The following LAMA5 variants were observed in gnomAD, a reference collection of about 807,000 sequenced individuals.
The protein encoded by LAMA5 is laminin subunit alpha 5, also known as laminin subunit alpha-5.
A neutral mutation model predicts 433.4 loss-of-function variants in LAMA5; 260 were observed. The observed-to-expected ratio is 0.60, with a 90% CI of 0.54 to 0.66. The LOEUF (loss-of-function observed/expected upper bound fraction) is 0.66. Ranked by LOEUF, LAMA5 falls within the 30% of genes least tolerant of loss-of-function variation. LAMA5 has a pLI of 0.00. For missense variants in LAMA5, 5,378 were observed against 5,258.5 expected (o/e 1.02, Z -0.70); for synonymous variants, 2,620 against 2,226.6 (o/e 1.18, Z -4.97).
In LAMA5 at chr20:62,310,238, G is replaced by C. The variant is rs779354485; in HGVS notation, c.10674C>G (p.Ile3558Met). The C allele has an allele frequency of 1.1e-5, 17 of 1,612,544 alleles. No individual in the cohort carries two copies. The highest frequency in any genetic ancestry group is 1.4e-5 in the Non-Finnish European group (16 of 1,179,920). Residue 3558 changes from isoleucine to methionine, a missense_variant, in exon 77 of 80, where the codon ATC (isoleucine) becomes ATG (methionine). Coordinates refer to ENST00000252999, the MANE Select transcript of LAMA5 (RefSeq NM_005560.6). ...EVRPLAVTGL[I>M]FHLGQARTPP... is the part of the protein sequence containing the mutation. ...GCGTCCGGGCCTGGCCCAAGTGGAAGATCAGTCCGGTGACTGCCAGGGGCC... is the reference window on the plus strand; with the variant it reads ...GCGTCCGGGCCTGGCCCAAGTGGAACATCAGTCCGGTGACTGCCAGGGGCC...
chr20:62,326,994 T>C (rs970849324), intron 38 of LAMA5, 28 bp from the exon 39 acceptor site: 1 of 1,517,276 alleles, frequency 6.6e-7, no homozygotes, highest in Non-Finnish European at 9.1e-7. Context: ...AGAGGTGACC[T>C]GGCCAGACTC....
Position 62,324,528 on chromosome 20 carries a change from G to C in LAMA5, c.5556C>G (p.Asp1852Glu), listed in dbSNP as rs150245673. Residue 1852 changes from aspartate (D) to glutamate (E), a missense_variant, in exon 42 of 80, where the codon GAC becomes GAG. Transcript: ENST00000252999. The surrounding 1 kb of genome is among the most constrained non-coding windows in gnomAD (Gnocchi z 4.4). Reference sequence around the variant, plus strand: ...ATCGGCCCAGGAAGAGACCTTTGACGTCCCGATAGAAGCCGGGGGCACATT... The same window carrying C: ...ATCGGCCCAGGAAGAGACCTTTGACCTCCCGATAGAAGCCGGGGGCACATT... The part of the protein sequence containing the change: ...CQECAPGFYR[D>E]VKGLFLGRCV... 4 of 1,612,134 alleles carry C rather than the reference G, an allele frequency of 2.5e-6. No homozygotes were observed. Among genetic ancestry groups the C allele is most frequent in the Non-Finnish European group, 2.5e-6 (3 of 1,179,652 alleles).
At chr20:62,311,848 A>G in intron 70 of LAMA5, 64 bp from the exon 71 acceptor site, 1 of 868,636 alleles carries the variant, frequency 1.2e-6, no homozygotes, top group Non-Finnish European at 1.7e-6. Flanking sequence ...CTCAGAGGAG[A>G]CAGAGGTCCA....
At position 62,324,278 on chromosome 20, in the gene LAMA5, C is replaced by A. The variant is rs1249263043; in HGVS notation, c.5644-74G>T. On this transcript the variant is annotated intron_variant, in intron 42 of 79. Coordinates refer to ENST00000252999, the MANE Select transcript of LAMA5 (RefSeq NM_005560.6). The surrounding 1 kb of genome is among the most constrained non-coding windows in gnomAD (Gnocchi z 4.4). Reference sequence around the variant, plus strand: ...TGCCGAGTCTGTGCAGCTCCCACCACCCCTGCCTCAGACTCTGTGCCCAAG... The same window carrying A: ...TGCCGAGTCTGTGCAGCTCCCACCAACCCTGCCTCAGACTCTGTGCCCAAG... The A allele has an allele frequency of 6.5e-7, 1 of 1,545,674 alleles. No individual in the cohort carries two copies. The highest frequency in any genetic ancestry group is 2.0e-5 in the Admixed American group (1 of 49,620).
intron 58 of LAMA5, among the ~76,000 whole-genome samples, chr20:62,315,471 GC>G (rs1986839847): frequency 1.3e-5 from 2 of 151,898 alleles, no homozygotes; most frequent in African/African-American, 4.8e-5. Flanking sequence ...CCACCACCTG[GC>G]CCCCACCATC....
chr20:62,343,337 T>C (rs965058161), intron 11 of LAMA5, among the ~76,000 whole-genome samples: 1 of 152,058 alleles, frequency 6.6e-6, no homozygotes, highest in African/African-American at 2.4e-5. Context: ...GGGAGGAGCA[T>C]CTACATCCGA....
intron 6 of LAMA5, among the ~76,000 whole-genome samples, chr20:62,347,879 G>T (rs1983623715): frequency 6.6e-6 from 1 of 152,210 alleles, no homozygotes; most frequent in Non-Finnish European, 1.5e-5. Context: ...CCACCTCACA[G>T]GGCCTCGGGA....
rs1349438178 is a variant in LAMA5, at chr20:62,312,947, C to T, written c.9019G>A (p.Gly3007Ser). 1.3e-6 allele frequency: 2 copies of T among 1,581,466 alleles called. No homozygotes were observed. The highest frequency in any genetic ancestry group is 2.2e-5 in the East Asian group (1 of 44,528). ...TGCAGTGGGACGGCCTTTTTCAGGC[C>T]AGCCCCAAAGTCATACAACAGCACG... Reference protein sequence around the residue: ...SLVLLYDFGAGLKKAVPLQPP... With the variant: ...SLVLLYDFGASLKKAVPLQPP... The change falls in exon 66 of 80, where the codon GGC (glycine) becomes AGC (serine). Residue 3007 changes from glycine to serine, a missense_variant. Transcript: ENST00000252999.
At chr20:62,364,972 C>CGGCCGGCAAGGACTTCT (rs1986560217) in intron 1 of LAMA5, among the ~76,000 whole-genome samples, 1 of 152,272 alleles carries the variant, frequency 6.6e-6, no homozygotes, top group Non-Finnish European at 1.5e-5. Context: ...CACTCCAGAC[C>CGGCCGGCAAGGACTTCT]GGCCGGCAAG....
chr20:62,354,529 C>G (rs1951774657), intron 2 of LAMA5, among the ~76,000 whole-genome samples: 1 of 152,084 alleles, frequency 6.6e-6, no homozygotes. Flanking sequence ...GTGGGGGTGG[C>G]TCCTCCATGG....
intron 70 of LAMA5, 32 bp from the exon 71 acceptor site, chr20:62,311,816 T>TGGGCCCCCCCCCC: frequency 4.6e-6 from 7 of 1,520,900 alleles, no homozygotes; most frequent in Non-Finnish European, 5.4e-6. Flanking sequence ...GCTCGGTTTT[T>TGGGCCCCCCCCCC]CCCCACCCTG....
intron 29 of LAMA5, 37 bp downstream of exon 29, chr20:62,330,995 C>A (rs369174772): frequency 2.5e-6 from 4 of 1,573,198 alleles, no homozygotes; most frequent in Non-Finnish European, 3.4e-6. Flanking sequence ...GCCGGGCCCT[C>A]GGCCGCGCCC....
intron 2 of LAMA5, among the ~76,000 whole-genome samples, chr20:62,356,986 T>C (rs1386514729): frequency 6.6e-6 from 1 of 152,096 alleles, no homozygotes; most frequent in Non-Finnish European, 1.5e-5. Context: ...GGCAGCACGG[T>C]GAGGACTACA....
At position 62,310,919 on chromosome 20, in the gene LAMA5, G is replaced by T; in HGVS notation, c.10264C>A (p.Pro3422Thr). Reference sequence around the variant, plus strand: ...GCCCTCACCTTGTGCCAGCGGCCAGGCCGGGAGCGCTGGCGGCTCTGGGCG... The same window carrying T: ...GCCCTCACCTTGTGCCAGCGGCCAGTCCGGGAGCGCTGGCGGCTCTGGGCG... ...LRAQSRQRSR[P>T]GRWHKVSVRW... Residue 3422 changes from proline (P) to threonine (T), a missense_variant, in exon 74 of 80, where the codon CCT becomes ACT. Coordinates refer to ENST00000252999, the MANE Select transcript of LAMA5 (RefSeq NM_005560.6). The T allele has an allele frequency of 1.2e-6, 2 of 1,610,710 alleles. No individual in the cohort carries two copies. The highest frequency in any genetic ancestry group is 1.7e-6 in the Non-Finnish European group (2 of 1,179,470).
At chr20:62,339,217 A>T (rs1218886348) in intron 11 of LAMA5, among the ~76,000 whole-genome samples, 6 of 150,054 alleles carry the variant, frequency 4.0e-5, no homozygotes, top group Non-Finnish European at 8.9e-5. Flanking sequence ...AAGCTGCAAA[A>T]CAAATTATAG....
Position 62,313,336 on chromosome 20 carries a change from G to A in LAMA5, c.8783C>T (p.Pro2928Leu). 1 of 1,561,268 alleles carries A rather than the reference G, an allele frequency of 6.4e-7. No individual in the cohort carries two copies. The highest frequency in any genetic ancestry group is 8.7e-7 in the Non-Finnish European group (1 of 1,153,406). Residue 2928 changes from proline to leucine, a missense_variant, in exon 64 of 80, where the codon CCT (proline) becomes CTT (leucine). Transcript: ENST00000252999. ...GGCAGGCCACACGCACCGGGCACAA[G>A]GCCTGTCCACAGCCGTGTCCAGCTG... is the stretch of plus-strand genomic sequence containing the variant. ...TFQLDTAVDR[P>L]CARSKSTGDP... is the part of the protein sequence containing the mutation.
intron 1 of LAMA5, among the ~76,000 whole-genome samples, chr20:62,364,346 C>A (rs954240668): frequency 6.6e-6 from 1 of 152,172 alleles, no homozygotes; most frequent in African/African-American, 2.4e-5. Context: ...CTGGTCAAGA[C>A]CCTCCCAGAC....
chr20:62,311,100 A>T lies in LAMA5; in HGVS notation c.10089-6T>A. On this transcript the variant is annotated splice_polypyrimidine_tract_variant and splice_region_variant and intron_variant, in intron 73 of 79. Coordinates refer to ENST00000252999, the MANE Select transcript of LAMA5 (RefSeq NM_005560.6). ...CGTGCATGGAGAGACTGGGCCTGGA[A>T]GCGGAGCTGGCGTCAGCCTGCGCGG... 6.4e-7 allele frequency: 1 copy of T among 1,570,282 alleles called. No individual in the cohort carries two copies. Among genetic ancestry groups the T allele is most frequent in the Non-Finnish European group, 8.7e-7 (1 of 1,155,842 alleles).
chr20:62,325,186 A>AGGGGCAGGAAGAGAGGTGAGGAGG, intron 41 of LAMA5, 130 bp downstream of exon 41: 1 of 621,428 alleles, frequency 1.6e-6, no homozygotes. Context: ...TGTGAAAAGC[A>AGGGGCAGGAAGAGAGGTGAGGAGG]GGGGCAGGAA....
Sources: allele counts gnomAD v4.1 joint callset (sites outside exome capture counted in the v4.1 genomes callset), GRCh38; gene constraint gnomAD v4.1.1; non-coding constraint Gnocchi (gnomAD v3.1); transcripts MANE v1.5; gene names NCBI Gene and HGNC (gene_info 2026-07-23, HGNC 2026-07-21).